Variants in COL6A5 observed in about 807,000 individuals in gnomAD.
COL6A5 encodes collagen type VI alpha 5 chain, also known as collagen alpha-5(VI) chain.
A neutral mutation model predicts 65.6 loss-of-function variants in COL6A5; 48 were observed. The observed-to-expected ratio is 0.73, with a 90% CI of 0.58 to 0.93. The LOEUF (loss-of-function observed/expected upper bound fraction) is 0.93. Ranked by LOEUF, COL6A5 falls within the 40% of genes least tolerant of loss-of-function variation. COL6A5 has a pLI of 0.00. For missense variants in COL6A5, 914 were observed against 928.3 expected (o/e 0.98, Z 0.20); for synonymous variants, 291 against 322.8 (o/e 0.90, Z 1.05).
At chr3:130,371,027 A>T (rs978631449) in intron 1 of COL6A5, among the ~76,000 whole-genome samples, 50 of 152,060 alleles carry the variant, frequency 3.3e-4, no homozygotes, top group Admixed American at 3.1e-3. Context: ...CATACACCCA[A>T]CCTAAAGAAG....
At chr3:130,352,185 A>G (rs898178602) in intron 1 of COL6A5, among the ~76,000 whole-genome samples, 6 of 152,162 alleles carry the variant, frequency 3.9e-5, no homozygotes, top group African/African-American at 1.2e-4. Flanking sequence ...GAGGGATAGC[A>G]TTAGGAGAAA....
At chr3:130,350,564 C>G (rs1029763749) in intron 1 of COL6A5, among the ~76,000 whole-genome samples, 2 of 152,152 alleles carry the variant, frequency 1.3e-5, no homozygotes, top group Non-Finnish European at 2.9e-5. Flanking sequence ...TTCACAATTT[C>G]TTCAAAGAGA....
exon 3 of COL6A5, chr3:130,376,609 A>T (rs1232122576): frequency 6.2e-7 from 1 of 1,610,360 alleles, no homozygotes; most frequent in Admixed American, 1.7e-5. Context: ...GCTGAGTCTG[A>T]GGATGAAGTG....
intron 6 of COL6A5, among the ~76,000 whole-genome samples, chr3:130,390,727 G>A (rs1936366861): frequency 6.6e-6 from 1 of 152,184 alleles, no homozygotes; most frequent in South Asian, 2.1e-4. Flanking sequence ...GGAGCCAGAG[G>A]GAGTAGGGTA....
At chr3:130,367,790 CT>C (rs1292817594) in intron 1 of COL6A5, among the ~76,000 whole-genome samples, 1 of 152,204 alleles carries the variant, frequency 6.6e-6, no homozygotes, top group Admixed American at 6.5e-5. Context: ...GGTGGGAAAA[CT>C]TTGCTGAATC....
chr3:130,450,715 A>C lies in COL6A5; in HGVS notation c.1333-4740A>C, dbSNP rs182937344. Among the ~76,000 whole-genome samples the C allele has an allele frequency of 7.3e-4, 111 of 152,304 alleles. No homozygotes were observed. In the South Asian group the frequency reaches 0.015, roughly 20 times the overall value. On this transcript the variant is annotated intron_variant, in intron 4 of 7. Coordinates refer to ENST00000512836, the Ensembl canonical transcript of COL6A5. ...CAACAGCGTCTTGTAATTTAGCTAAAAAATCAGGGTATAATTCAGAGTGAC... is the reference window on the plus strand; with the variant it reads ...CAACAGCGTCTTGTAATTTAGCTAACAAATCAGGGTATAATTCAGAGTGAC...
intron 1 of COL6A5, among the ~76,000 whole-genome samples, chr3:130,433,840 C>A (rs78842698): frequency 0.023 from 3,518 of 151,940 alleles, 87 homozygotes; most frequent in East Asian, 0.1. Flanking sequence ...ATGTTTATTG[C>A]CCATTTTTAT....
intron 11 of COL6A5, 33 bp from the exon 12 acceptor site, chr3:130,401,729 G>C: frequency 6.9e-7 from 1 of 1,448,934 alleles, no homozygotes; most frequent in Non-Finnish European, 9.5e-7. Context: ...TCTGACAATT[G>C]CTATTCCCTC....
chr3:130,353,279 A>G (rs1488393909), intron 1 of COL6A5, among the ~76,000 whole-genome samples: 4 of 152,190 alleles, frequency 2.6e-5, no homozygotes, highest in Non-Finnish European at 4.4e-5. Context: ...TACTCCTCCC[A>G]CAAACACATA....
chr3:130,462,590 A>G (rs376508914), intron 5 of COL6A5, among the ~76,000 whole-genome samples: 5 of 152,244 alleles, frequency 3.3e-5, no homozygotes. Context: ...ATTGTTACAT[A>G]TATTTAAGAT....
intron 3 of COL6A5, among the ~76,000 whole-genome samples, chr3:130,442,682 G>A (rs555047049): frequency 1.3e-5 from 2 of 152,246 alleles, no homozygotes; most frequent in East Asian, 3.9e-4. Context: ...CACATGCACA[G>A]GCAATGACCA....
At chr3:130,431,943 T>C (rs1401330415) in exon 1 of COL6A5, 3 of 1,548,558 alleles carry the variant, frequency 1.9e-6, no homozygotes. Flanking sequence ...TCCTTGAAGC[T>C]TTTGGGGTAA....
At chr3:130,358,914 C>T (rs1262496355) in intron 1 of COL6A5, among the ~76,000 whole-genome samples, 1 of 151,994 alleles carries the variant, frequency 6.6e-6, no homozygotes, top group Non-Finnish European at 1.5e-5. Flanking sequence ...AAGTTGGAAA[C>T]AATCTAAATA....
rs770741077 is a variant in COL6A5, at chr3:130,421,299, T to C, written c.5002-26T>C. The C allele has an allele frequency of 3.9e-6, 6 of 1,550,504 alleles. No individual in the cohort carries two copies. In the Admixed American group the frequency reaches 1.2e-4, roughly 30 times the overall value. On this transcript the variant is annotated intron_variant and NMD_transcript_variant, in intron 26 of 41. Coordinates refer to the COL6A5 transcript ENST00000312481. ...ACTGCAGAAGTGATATGTTGATGTA[T>C]TTATGTTCTGTGCTGAAAATTATAG...
exon 6 of COL6A5, chr3:130,388,914 C>T (rs544292708): frequency 1.3e-6 from 2 of 1,547,656 alleles, no homozygotes; most frequent in South Asian, 1.2e-5. Context: ...AAAAATTTCT[C>T]ATCCTCATCA....
Position 130,406,195 on chromosome 3 carries a change from G to T in COL6A5, c.4425+20G>T. 6.4e-7 allele frequency: 1 copy of T among 1,550,410 alleles called. No homozygotes were observed. Among genetic ancestry groups the T allele is most frequent in the Non-Finnish European group, 8.7e-7 (1 of 1,145,846 alleles). ...GAAGAGGTAAGCCATATTTCTTCAAGTATCATAAAACTGTCATGAGGTTGC... is the reference window on the plus strand; with the variant it reads ...GAAGAGGTAAGCCATATTTCTTCAATTATCATAAAACTGTCATGAGGTTGC... On this transcript the variant is annotated intron_variant and NMD_transcript_variant, in intron 16 of 41. Transcript: ENST00000312481.
At chr3:130,413,666 T>C in intron 21 of COL6A5, 86 bp downstream of exon 21, 3 of 1,319,382 alleles carry the variant, frequency 2.3e-6, no homozygotes, top group African/African-American at 1.5e-5. Flanking sequence ...ATCATATCAA[T>C]GAGCATTTTA....
chr3:130,483,354 G>A (rs573861572), intron 7 of COL6A5, among the ~76,000 whole-genome samples: 3 of 152,236 alleles, frequency 2.0e-5, no homozygotes, highest in East Asian at 3.9e-4. Context: ...CATAATGACA[G>A]GATCAAATTC....
chr3:130,411,083 A>C (rs1937160898), intron 20 of COL6A5, among the ~76,000 whole-genome samples: 1 of 152,186 alleles, frequency 6.6e-6, no homozygotes, highest in Non-Finnish European at 1.5e-5. Context: ...AAGCACTGGC[A>C]ATTAGGGTCA....
Sources: allele counts gnomAD v4.1 joint callset (sites outside exome capture counted in the v4.1 genomes callset), GRCh38; gene constraint gnomAD v4.1.1; transcripts MANE v1.5; gene names NCBI Gene and HGNC (gene_info 2026-07-23, HGNC 2026-07-21).